The following OGFOD3 variants were observed in gnomAD, a reference collection of about 807,000 sequenced individuals.
OGFOD3 encodes the protein 2-oxoglutarate and iron-dependent oxygenase domain-containing protein 3.
In OGFOD3, 35 loss-of-function variants were observed where a neutral mutation model predicts 39.8. That is an observed-to-expected ratio of 0.88 (90% CI 0.67 to 1.17). The LOEUF is 1.17. Ranked by LOEUF, OGFOD3 falls within the 50% of genes most tolerant of loss-of-function variation. The pLI, the probability that OGFOD3 is intolerant of heterozygous loss-of-function variation, is 0.00. For missense variants in OGFOD3, 438 were observed against 454.5 expected (o/e 0.96, Z 0.33); for synonymous variants, 200 against 192.0 (o/e 1.04, Z -0.34).
In OGFOD3 at chr17:82,404,661, C is replaced by T. The variant is rs193005341; in HGVS notation, c.546-571G>A. Reference sequence around the variant, plus strand: ...GCTCGAGGGGGGTCACTCATGTGTCCTGGGATGGTTGCGTGACTCTTAGCT... The same window carrying T: ...GCTCGAGGGGGGTCACTCATGTGTCTTGGGATGGTTGCGTGACTCTTAGCT... On this transcript the variant is annotated intron_variant, in intron 6 of 8. Coordinates refer to ENST00000313056, the MANE Select transcript of OGFOD3 (RefSeq NM_024648.3). The surrounding 1 kb of genome is among the most constrained non-coding windows in gnomAD (Gnocchi z 4.5). 3.1e-3 allele frequency among the ~76,000 whole-genome samples: 476 copies of T among 151,818 alleles called. 10 individuals are homozygous for T. The highest frequency in any genetic ancestry group is 4.0e-3 in the Non-Finnish European group (274 of 67,962).
Position 82,418,513 on chromosome 17 carries a change from G to A in OGFOD3, c.-28C>T, listed in dbSNP as rs1219168272. On this transcript the variant is annotated 5_prime_UTR_variant, in exon 1 of 9. Transcript: ENST00000313056. ...GACCAGGCCGCCGCGGAGCCGGGCC[G>A]GACGCGGGCGCCAGGCCCGGGGACG... The A allele has an allele frequency of 1.5e-6, 2 of 1,297,176 alleles. No homozygotes were observed. The highest frequency in any genetic ancestry group is 2.0e-6 in the Non-Finnish European group (2 of 1,015,966). 80.4% of individuals were successfully genotyped at this position (1,297,176 alleles called of 1,614,324 possible).
At position 82,392,583 on chromosome 17, in the gene OGFOD3, C is replaced by T. The variant is rs781312448; in HGVS notation, c.824-49G>A. 8.4e-6 allele frequency: 13 copies of T among 1,550,132 alleles called. No individual in the cohort carries two copies. The highest frequency in any genetic ancestry group is 1.7e-4 in the Middle Eastern group (1 of 5,932). ...GTGGCCATAGAGCCACACCCACGGC[C>T]ACAGCCTTCAGAGGGTCTGCGGTCA... On this transcript the variant is annotated intron_variant, in intron 8 of 8. Coordinates refer to ENST00000313056, the MANE Select transcript of OGFOD3 (RefSeq NM_024648.3). This position sits in a 1 kb window ranked among gnomAD's most constrained non-coding sequence, Gnocchi z 4.2.
intron 2 of OGFOD3, among the ~76,000 whole-genome samples, chr17:82,412,506 C>T (rs1234640254): frequency 6.8e-6 from 1 of 146,120 alleles, no homozygotes; most frequent in African/African-American, 2.6e-5. Context: ...GTCGTTGGGA[C>T]AGGATCAGAG....
At chr17:82,413,072 G>A (rs938166135) in intron 2 of OGFOD3, among the ~76,000 whole-genome samples, 2 of 152,230 alleles carry the variant, frequency 1.3e-5, no homozygotes, top group African/African-American at 4.8e-5. Context: ...GGGGGCTGTA[G>A]TTACTGTGGT....
At position 82,411,386 on chromosome 17, in the gene OGFOD3, G is replaced by A. The variant is rs548852284; in HGVS notation, c.380+69C>T. 1.8e-4 allele frequency: 259 copies of A among 1,412,414 alleles called. No homozygotes were observed. The African/African-American group carries it at 3.3e-3, about 18-fold the overall frequency. 87.5% of individuals were successfully genotyped at this position (1,412,414 alleles called of 1,614,324 possible). A position where few individuals can be genotyped will look rare whatever the true frequency, so the allele number is the denominator to read the frequency against. ...ACCACTTTATTACTAACAATGCTCT[G>A]CTTCCCGCCCTAGCCCCACTCCGCG... On this transcript the variant is annotated intron_variant, in intron 3 of 8. Coordinates refer to ENST00000313056, the MANE Select transcript of OGFOD3 (RefSeq NM_024648.3).
chr17:82,403,799 GTA>G, intron 7 of OGFOD3, 136 bp downstream of exon 7: 1 of 1,189,454 alleles, frequency 8.4e-7, no homozygotes, highest in Non-Finnish European at 1.2e-6. Context: ...CCCTGCCCAC[GTA>G]CGCACTCACC....
chr17:82,416,540 C>T (rs958472186), intron 1 of OGFOD3, among the ~76,000 whole-genome samples: 2 of 152,158 alleles, frequency 1.3e-5, no homozygotes, highest in Admixed American at 6.6e-5. Flanking sequence ...TCGTCTGTTC[C>T]AAGGAGCAGG....
rs1422311383 is a variant in OGFOD3 at position 82,398,219 on chromosome 17, T to A, written c.800A>T (p.Asn267Ile). The change falls in exon 8 of 9, where the codon AAC (asparagine) becomes ATC (isoleucine). Residue 267 changes from asparagine (N) to isoleucine (I), a missense_variant. By Grantham distance (149) the Asn-to-Ile change is moderately radical. Transcript: ENST00000313056. ...ACCAGCTCTCGGCTCCACCGTCTTGTTGGCACCCTCCTCCATGAACATGAA... is the reference window on the plus strand; with the variant it reads ...ACCAGCTCTCGGCTCCACCGTCTTGATGGCACCCTCCTCCATGAACATGAA... ...GRFMFMEEGA[N>I]KTVEPRAGRV... 3.1e-6 allele frequency: 5 copies of A among 1,614,056 alleles called. No individual in the cohort carries two copies. Among genetic ancestry groups the A allele is most frequent in the Non-Finnish European group, 4.2e-6 (5 of 1,179,978 alleles).
chr17:82,402,974 G>A (rs971455692), intron 7 of OGFOD3, among the ~76,000 whole-genome samples: 1 of 151,722 alleles, frequency 6.6e-6, no homozygotes, highest in African/African-American at 2.4e-5. Context: ...GCAGCAGGAT[G>A]GCTTGAGCCT....
rs1294488971 is a variant in OGFOD3, at chr17:82,404,702, C to G, written c.546-612G>C. Reference sequence around the variant, plus strand: ...ACTCTTAGCTCCTTTGCCCTCATCTCAACCTGGGCTCCTCCAGCAGAATTT... The same window carrying G: ...ACTCTTAGCTCCTTTGCCCTCATCTGAACCTGGGCTCCTCCAGCAGAATTT... On this transcript the variant is annotated intron_variant, in intron 6 of 8. Transcript: ENST00000313056. The surrounding 1 kb of genome is among the most constrained non-coding windows in gnomAD (Gnocchi z 4.5). Among the ~76,000 whole-genome samples the G allele has an allele frequency of 2.0e-5, 3 of 151,336 alleles. No homozygotes were observed. The highest frequency in any genetic ancestry group is 1.3e-4 in the Admixed American group (2 of 15,204).
chr17:82,394,590 G>A (rs2052644082), intron 8 of OGFOD3: 1 of 1,501,874 alleles, frequency 6.7e-7, no homozygotes, highest in Non-Finnish European at 9.1e-7. Context: ...TGACTCCAGG[G>A]GCCTGGGCGG....
At chr17:82,412,490 G>A (rs929102670) in intron 2 of OGFOD3, among the ~76,000 whole-genome samples, 1 of 151,084 alleles carries the variant, frequency 6.6e-6, no homozygotes, top group South Asian at 2.1e-4. Flanking sequence ...TTGGGGCAGC[G>A]GCAGTGTCGT....
At chr17:82,413,857 C>A (rs1449997097) in intron 2 of OGFOD3, among the ~76,000 whole-genome samples, 8 of 135,058 alleles carry the variant, frequency 5.9e-5, no homozygotes, top group Non-Finnish European at 1.2e-4. Context: ...GCCTGGGCAA[C>A]ACAGTGAGTG....
intron 3 of OGFOD3, among the ~76,000 whole-genome samples, chr17:82,409,639 T>C (rs1279531429): frequency 1.3e-5 from 2 of 152,178 alleles, no homozygotes; most frequent in Non-Finnish European, 2.9e-5. Context: ...TAGAAACGAC[T>C]GGGCTTCAGC....
At chr17:82,394,339 T>C in intron 8 of OGFOD3, 1 of 1,542,490 alleles carries the variant, frequency 6.5e-7, no homozygotes. Context: ...ACCTGCTTCC[T>C]TAAAGCAGGA....
Position 82,411,464 on chromosome 17 carries a change from C to T in OGFOD3, c.371G>A (p.Arg124Gln), listed in dbSNP as rs767488958. The part of the protein sequence containing the change: ...DVVITREEAE[R>Q]IRSVAEKGLS... ...AGGGACAGGCGGTTACCTGCGAATCCGCTCCGCTTCCTCCCTGGTGATGAC... is the reference window on the plus strand; with the variant it reads ...AGGGACAGGCGGTTACCTGCGAATCTGCTCCGCTTCCTCCCTGGTGATGAC... The change falls in exon 3 of 9, where the codon CGG becomes CAG. Residue 124 changes from arginine to glutamine, a missense_variant. By Grantham distance (43) the Arg-to-Gln change is conservative (BLOSUM62 1). Coordinates refer to ENST00000313056, the MANE Select transcript of OGFOD3 (RefSeq NM_024648.3). 9 of 1,613,970 alleles carry T rather than the reference C, an allele frequency of 5.6e-6. No individual in the cohort carries two copies. Among genetic ancestry groups the T allele is most frequent in the Middle Eastern group, 1.6e-4 (1 of 6,084 alleles).
intron 1 of OGFOD3, 84 bp downstream of exon 1, chr17:82,418,328 G>GCCCCGCCCCATCAGCCCCAGT: frequency 2.4e-6 from 1 of 412,378 alleles, no homozygotes; most frequent in Non-Finnish European, 4.0e-6. Flanking sequence ...GTCGGGCCAG[G>GCCCCGCCCCATCAGCCCCAGT]CCCCGCCCCA....
At chr17:82,396,900 C>G (rs2052680971) in intron 8 of OGFOD3, 1 of 152,384 alleles carries the variant, frequency 6.6e-6, no homozygotes, top group Admixed American at 6.5e-5. Context: ...CCAAACGCCC[C>G]CAATCCACGC....
Position 82,404,064 on chromosome 17 carries a change from G to T in OGFOD3, c.572C>A (p.Thr191Asn). The change falls in exon 7 of 9, where the codon ACC becomes AAC. Residue 191 changes from threonine to asparagine, a missense_variant. Physicochemically the swap from Thr to Asn is moderately conservative, Grantham distance 65. Coordinates refer to ENST00000313056, the MANE Select transcript of OGFOD3 (RefSeq NM_024648.3). The surrounding 1 kb of genome is among the most constrained non-coding windows in gnomAD (Gnocchi z 4.5). ...GCTGATGCCAAAAGCCTCAGCAATG[G>T]TGAGCTGGACCTTCTGCCGCACCTC... ...YREVRQKVQL[T>N]IAEAFGISAS... is the part of the protein sequence containing the mutation. 6.2e-7 allele frequency: 1 copy of T among 1,606,460 alleles called. No homozygotes were observed. The highest frequency in any genetic ancestry group is 1.3e-5 in the African/African-American group (1 of 74,994).
Sources: gnomAD v4.1 joint callset for allele counts (sites outside exome capture counted in the v4.1 genomes callset) on GRCh38, gnomAD v4.1.1 for gene constraint, Gnocchi (gnomAD v3.1) non-coding constraint, MANE v1.5 for transcripts, NCBI Gene and HGNC (gene_info 2026-07-23, HGNC 2026-07-21) for gene names.